SCFD2: variants seen among roughly 807,000 people sequenced by gnomAD.
SCFD2 encodes sec1 family domain containing 2.
Under a neutral mutation model 58.9 loss-of-function variants are expected in SCFD2, and 54 were observed. That is an observed-to-expected ratio of 0.92 (90% CI 0.74 to 1.15). The LOEUF (loss-of-function observed/expected upper bound fraction) is 1.15, where lower values mean the gene tolerates loss of function less well. Ranked by LOEUF, SCFD2 falls within the 50% of genes most tolerant of loss-of-function variation. SCFD2 has a pLI of 0.00. For synonymous variants in SCFD2, 321 were observed against 335.9 expected (o/e 0.96, Z 0.49); for missense variants, 805 against 836.6 (o/e 0.96, Z 0.47).
rs551347559 is a variant in SCFD2, at chr4:53,161,697, A to C, written c.1312-16115T>G. On this transcript the variant is annotated intron_variant, in intron 4 of 8. Transcript: ENST00000401642. Reference sequence around the variant, plus strand: ...AGCCGTAAGTTGCATGAAACAAGGGACAAGTGACTTCTTCAGAGAGCAGAA... The same window carrying C: ...AGCCGTAAGTTGCATGAAACAAGGGCCAAGTGACTTCTTCAGAGAGCAGAA... Among the ~76,000 whole-genome samples the C allele has an allele frequency of 2.4e-4, 36 of 152,328 alleles. No homozygotes were observed. The South Asian group carries it at 6.8e-3, about 29-fold the overall frequency.
chr4:53,005,483 G>C (rs151131145), intron 5 of SCFD2, among the ~76,000 whole-genome samples: 102 of 152,234 alleles, frequency 6.7e-4, no homozygotes, highest in African/African-American at 2.3e-3. Context: ...AAGTTTGTGA[G>C]GTTTCCCTCT....
At chr4:53,159,398 G>A (rs537325524) in intron 4 of SCFD2, among the ~76,000 whole-genome samples, 10 of 152,194 alleles carry the variant, frequency 6.6e-5, no homozygotes, top group East Asian at 1.9e-4. Flanking sequence ...ACACATTTTC[G>A]TCTCCAGGGC....
chr4:52,882,778 A>C (rs1172877020), intron 8 of SCFD2, among the ~76,000 whole-genome samples: 1 of 152,186 alleles, frequency 6.6e-6, no homozygotes, highest in African/African-American at 2.4e-5. Context: ...TGACTGTGTC[A>C]GTCAATAGTC....
chr4:53,201,623 T>G (rs574620042), intron 4 of SCFD2, among the ~76,000 whole-genome samples: 18 of 152,270 alleles, frequency 1.2e-4, no homozygotes, highest in African/African-American at 4.3e-4. Flanking sequence ...ATGGTTGAAC[T>G]AGTTTACAGT....
chr4:52,915,807 G>C (rs1357825865), intron 6 of SCFD2, among the ~76,000 whole-genome samples: 2 of 152,202 alleles, frequency 1.3e-5, no homozygotes, highest in African/African-American at 4.8e-5. Context: ...CTTCAGAAAA[G>C]ATGCTAGCAG....
chr4:53,015,715 T>C (rs1722196859), intron 5 of SCFD2, among the ~76,000 whole-genome samples: 1 of 152,156 alleles, frequency 6.6e-6, no homozygotes, highest in South Asian at 2.1e-4. Flanking sequence ...TTTATTAAAA[T>C]ATATTCTACC....
chr4:52,937,319 T>A (rs1395893420), intron 5 of SCFD2, among the ~76,000 whole-genome samples: 1 of 152,004 alleles, frequency 6.6e-6, no homozygotes, highest in Admixed American at 6.6e-5. Flanking sequence ...GAGGGCCAGA[T>A]CATTTGGGGG....
At chr4:53,201,534 A>G (rs1026351075) in intron 4 of SCFD2, among the ~76,000 whole-genome samples, 15 of 152,280 alleles carry the variant, frequency 9.9e-5, no homozygotes, top group African/African-American at 3.6e-4. Flanking sequence ...CTTTGGGTAA[A>G]TACCCAGTAA....
chr4:53,223,306 T>A (rs149469304), intron 4 of SCFD2, among the ~76,000 whole-genome samples: 41 of 152,292 alleles, frequency 2.7e-4, no homozygotes, highest in Middle Eastern at 3.4e-3. Context: ...CAGGAACAGA[T>A]AGTAAGATTG....
chr4:53,307,833 C>T (rs1217770683), intron 3 of SCFD2, among the ~76,000 whole-genome samples: 1 of 152,138 alleles, frequency 6.6e-6, no homozygotes, highest in Non-Finnish European at 1.5e-5. Context: ...ACAGGAAAAA[C>T]TTGCCACTGC....
At chr4:53,122,421 C>G (rs1298131971) in intron 5 of SCFD2, among the ~76,000 whole-genome samples, 1 of 151,896 alleles carries the variant, frequency 6.6e-6, no homozygotes, top group Non-Finnish European at 1.5e-5. Context: ...CCCTGACATG[C>G]TGACAAGCCG....
chr4:53,321,329 T>A (rs1031069020), intron 2 of SCFD2, among the ~76,000 whole-genome samples: 16 of 152,018 alleles, frequency 1.1e-4, no homozygotes, highest in African/African-American at 3.4e-4. Context: ...CAGGAAATAT[T>A]CATCACCAAA....
chr4:53,190,400 C>A (rs1428433096), intron 4 of SCFD2, among the ~76,000 whole-genome samples: 1 of 152,170 alleles, frequency 6.6e-6, no homozygotes, highest in Non-Finnish European at 1.5e-5. Flanking sequence ...AAACACCTGG[C>A]ACTTCTCATC....
At chr4:53,087,657 C>CTTTTT (rs34727687) in intron 5 of SCFD2, among the ~76,000 whole-genome samples, 2 of 115,216 alleles carry the variant, frequency 1.7e-5, no homozygotes, top group East Asian at 2.5e-4. Context: ...TTTCTTTTTC[C>CTTTTT]TTTTTTTTTT....
chr4:52,976,882 A>G (rs58384787), intron 5 of SCFD2, among the ~76,000 whole-genome samples: 6,822 of 152,234 alleles, frequency 0.045, 213 homozygotes, highest in African/African-American at 0.078. Flanking sequence ...ACCATTTACT[A>G]GCTGGATAAT....
intron 4 of SCFD2, among the ~76,000 whole-genome samples, chr4:53,256,318 C>T (rs905663642): frequency 1.1e-4 from 16 of 150,094 alleles, no homozygotes; most frequent in Non-Finnish European, 2.4e-4. Flanking sequence ...CCCCACATCT[C>T]AGACGATGGG....
At chr4:52,914,720 G>GA (rs1057321572) in intron 6 of SCFD2, among the ~76,000 whole-genome samples, 2 of 152,114 alleles carry the variant, frequency 1.3e-5, no homozygotes, top group Middle Eastern at 3.2e-3. Flanking sequence ...ACTTTAAGGT[G>GA]AAAGTGATGT....
chr4:53,201,922 T>C (rs1401857976), intron 4 of SCFD2, among the ~76,000 whole-genome samples: 3 of 152,222 alleles, frequency 2.0e-5, no homozygotes, highest in African/African-American at 4.8e-5. Context: ...ATTCTGGATA[T>C]TAGCCCTTTG....
chr4:52,910,232 T>C (rs1719449380), intron 6 of SCFD2, among the ~76,000 whole-genome samples: 1 of 152,220 alleles, frequency 6.6e-6, no homozygotes, highest in Non-Finnish European at 1.5e-5. Flanking sequence ...CTTTTTAAAA[T>C]GGAAGGATAT....
Sources: allele counts gnomAD v4.1 joint callset (sites outside exome capture counted in the v4.1 genomes callset), GRCh38; gene constraint gnomAD v4.1.1; transcripts MANE v1.5; gene names NCBI Gene and HGNC (gene_info 2026-07-23, HGNC 2026-07-21).